The following GALNTL6 variants were observed in gnomAD, a reference collection of about 807,000 sequenced individuals.
GALNTL6 encodes the protein polypeptide N-acetylgalactosaminyltransferase like 6, also known as polypeptide N-acetylgalactosaminyltransferase-like 6.
In GALNTL6, 46 loss-of-function variants were observed where a neutral mutation model predicts 73.7. The observed-to-expected ratio is 0.62, with a 90% confidence interval of 0.49 to 0.80. The LOEUF is 0.80. GALNTL6 is among the 30% of genes least tolerant of loss of function. The pLI, the probability that GALNTL6 is intolerant of heterozygous loss-of-function variation, is 0.00. For missense variants in GALNTL6, 604 were observed against 755.0 expected, an observed-to-expected ratio of 0.80 and a Z score of 2.34; for synonymous variants, 259 against 263.7, an observed-to-expected ratio of 0.98 and a Z score of 0.17.
Position 172,814,778 on chromosome 4 carries a change from G to A in GALNTL6, c.923+1055G>A, listed in dbSNP as rs145267617. Among the ~76,000 whole-genome samples the A allele has an allele frequency of 8.2e-4, 125 of 152,132 alleles. No homozygotes were observed. In the South Asian group the frequency reaches 0.017, roughly 21 times the overall value. ...CAGGAAAATATTTCCTACACTTCTA[G>A]TCTTTAGAAAAATGAACTCCTGGGG... is the stretch of plus-strand genomic sequence containing the variant. On this transcript the variant is annotated intron_variant, in intron 7 of 12. Transcript: ENST00000506823.
chr4:172,173,291 G>A (rs928970036), intron 2 of GALNTL6, among the ~76,000 whole-genome samples: 28 of 152,138 alleles, frequency 1.8e-4, no homozygotes, highest in African/African-American at 5.8e-4. Context: ...CTTAAATGAC[G>A]GCATATATCC....
chr4:172,030,351 C>T (rs368275048), intron 2 of GALNTL6, among the ~76,000 whole-genome samples: 38 of 151,984 alleles, frequency 2.5e-4, no homozygotes, highest in African/African-American at 8.7e-4. Context: ...GTCAAGCAAC[C>T]GGGGTAGCAT....
chr4:172,988,908 G>A (rs1018455946), intron 10 of GALNTL6, among the ~76,000 whole-genome samples: 10 of 152,248 alleles, frequency 6.6e-5, no homozygotes, highest in African/African-American at 2.2e-4. Flanking sequence ...CTCAGAGAAT[G>A]TATGGAAATG....
chr4:172,196,476 T>C (rs1735775988), intron 2 of GALNTL6, among the ~76,000 whole-genome samples: 1 of 152,114 alleles, frequency 6.6e-6, no homozygotes, highest in African/African-American at 2.4e-5. Flanking sequence ...TACCAAAACC[T>C]GGCAGAGATA....
intron 2 of GALNTL6, among the ~76,000 whole-genome samples, chr4:171,940,557 C>T (rs1158232442): frequency 1.3e-5 from 2 of 152,070 alleles, no homozygotes; most frequent in Non-Finnish European, 2.9e-5. Flanking sequence ...CGCAGTGGCT[C>T]ATGCCTGTGA....
intron 10 of GALNTL6, among the ~76,000 whole-genome samples, chr4:172,996,986 GTCT>G (rs1269233551): frequency 2.0e-5 from 3 of 152,228 alleles, no homozygotes; most frequent in Admixed American, 6.5e-5. Flanking sequence ...GGGTAACCAG[GTCT>G]TCTTCTTCAG....
chr4:172,285,534 G>T (rs1426092152), intron 3 of GALNTL6, among the ~76,000 whole-genome samples: 1 of 152,064 alleles, frequency 6.6e-6, no homozygotes, highest in East Asian at 1.9e-4. Flanking sequence ...CCTGGTAATT[G>T]TGCCCTGGGT....
chr4:172,115,333 A>C (rs1732957597), intron 2 of GALNTL6, among the ~76,000 whole-genome samples: 1 of 152,144 alleles, frequency 6.6e-6, no homozygotes, highest in Non-Finnish European at 1.5e-5. Context: ...TGCTTCAGGA[A>C]GGTATAGAGC....
chr4:172,713,801 C>T (rs1488946939), intron 5 of GALNTL6, among the ~76,000 whole-genome samples: 4 of 152,108 alleles, frequency 2.6e-5, no homozygotes, highest in Non-Finnish European at 5.9e-5. Context: ...CTGTTGTCAT[C>T]GTTTTAGTTA....
chr4:172,961,375 A>T (rs1750047910), intron 10 of GALNTL6, among the ~76,000 whole-genome samples: 1 of 151,870 alleles, frequency 6.6e-6, no homozygotes, highest in South Asian at 2.1e-4. Context: ...CTCCCAGAAA[A>T]GCAGAGAAGG....
intron 4 of GALNTL6, among the ~76,000 whole-genome samples, chr4:172,334,821 T>G (rs1741253359): frequency 6.6e-6 from 1 of 152,180 alleles, no homozygotes; most frequent in South Asian, 2.1e-4. Context: ...GAGGAATGCT[T>G]CTAGCTTTTG....
intron 5 of GALNTL6, among the ~76,000 whole-genome samples, chr4:172,633,907 A>G (rs562317617): frequency 6.6e-6 from 1 of 152,352 alleles, no homozygotes; most frequent in South Asian, 2.1e-4. Flanking sequence ...CTGCTGCCAT[A>G]TAAGATGTAA....
chr4:172,580,708 A>G (rs1373227378), intron 5 of GALNTL6, among the ~76,000 whole-genome samples: 4 of 152,182 alleles, frequency 2.6e-5, no homozygotes, highest in Non-Finnish European at 5.9e-5. Flanking sequence ...ATGACTTATC[A>G]CTGGGGAGAA....
intron 2 of GALNTL6, among the ~76,000 whole-genome samples, chr4:172,219,761 C>T (rs2110945304): frequency 6.6e-6 from 1 of 151,926 alleles, no homozygotes; most frequent in Admixed American, 6.6e-5. Flanking sequence ...ATTTGGTATT[C>T]AAGGAAATGG....
intron 2 of GALNTL6, among the ~76,000 whole-genome samples, chr4:172,102,842 A>T (rs954255492): frequency 6.6e-6 from 1 of 152,164 alleles, no homozygotes; most frequent in Non-Finnish European, 1.5e-5. Flanking sequence ...TGTCATGGGA[A>T]CTTGGAACAC....
intron 5 of GALNTL6, among the ~76,000 whole-genome samples, chr4:172,764,757 T>C (rs187485602): frequency 2.0e-5 from 3 of 152,322 alleles, no homozygotes; most frequent in African/African-American, 7.2e-5. Context: ...CTGCTATTTA[T>C]CTCACTATTT....
At chr4:172,184,257 G>T (rs1434775830) in intron 2 of GALNTL6, among the ~76,000 whole-genome samples, 2 of 152,120 alleles carry the variant, frequency 1.3e-5, no homozygotes, top group Non-Finnish European at 2.9e-5. Context: ...TATTTCCTAA[G>T]TTCAGCATTT....
intron 4 of GALNTL6, among the ~76,000 whole-genome samples, chr4:172,323,567 T>C (rs2111168058): frequency 6.6e-6 from 1 of 152,154 alleles, no homozygotes; most frequent in South Asian, 2.1e-4. Context: ...CAAGAAATCA[T>C]GCAGTGACAA....
At chr4:172,864,277 T>A (rs1404952738) in intron 7 of GALNTL6, among the ~76,000 whole-genome samples, 4 of 152,220 alleles carry the variant, frequency 2.6e-5, no homozygotes, top group African/African-American at 7.2e-5. Flanking sequence ...CCCATTCATC[T>A]GCTCCTTATC....
Sources: allele counts gnomAD v4.1 joint callset (sites outside exome capture counted in the v4.1 genomes callset), GRCh38; gene constraint gnomAD v4.1.1; transcripts MANE v1.5; gene names NCBI Gene and HGNC (gene_info 2026-07-23, HGNC 2026-07-21).